IGF2BP3: variants seen among roughly 807,000 people sequenced by gnomAD.
The protein encoded by IGF2BP3 is insulin-like growth factor 2 mRNA-binding protein 3.
IGF2BP3 carries 9 observed loss-of-function variants against 73.8 expected under a neutral mutation model. The ratio of observed to expected loss-of-function variants is 0.12; its 90% CI spans 0.07 to 0.21. IGF2BP3 has a LOEUF of 0.21. Among genes scored for constraint, IGF2BP3 ranks in the 10% least tolerant of loss-of-function variants. IGF2BP3 has a pLI of 1.00. For missense variants in IGF2BP3, 542 were observed against 714.0 expected (o/e 0.76, Z 2.75); for synonymous variants, 258 against 256.7 (o/e 1.01, Z -0.05).
At chr7:23,319,302 A>T (rs1562667761) in intron 10 of IGF2BP3, 48 bp from the exon 11 acceptor site, 1 of 1,284,006 alleles carries the variant, frequency 7.8e-7, no homozygotes, top group Admixed American at 1.9e-5. Flanking sequence ...GCTACAAATC[A>T]GGCTTTTGTT....
chr7:23,332,939 T>A (rs1375098215), intron 10 of IGF2BP3, among the ~76,000 whole-genome samples: 1 of 152,256 alleles, frequency 6.6e-6, no homozygotes, highest in East Asian at 1.9e-4. Flanking sequence ...CTGAACAATA[T>A]ACTTGGGGGA....
chr7:23,408,899 G>A (rs540117140), intron 3 of IGF2BP3, among the ~76,000 whole-genome samples: 2 of 152,272 alleles, frequency 1.3e-5, no homozygotes, highest in African/African-American at 4.8e-5. Context: ...CACATACTAC[G>A]ACAGCGGTCC....
chr7:23,375,018 T>C (rs1329208431), intron 3 of IGF2BP3, among the ~76,000 whole-genome samples: 1 of 152,218 alleles, frequency 6.6e-6, no homozygotes, highest in Non-Finnish European at 1.5e-5. Flanking sequence ...TAAAAAGGTA[T>C]GTGTATATGC....
At chr7:23,410,181 A>T (rs529725835) in intron 3 of IGF2BP3, among the ~76,000 whole-genome samples, 11 of 152,038 alleles carry the variant, frequency 7.2e-5, no homozygotes, top group Admixed American at 4.6e-4. Context: ...AATTTTTTTT[A>T]AAAATAAAGA....
chr7:23,433,398 T>A (rs1189193080), intron 2 of IGF2BP3, among the ~76,000 whole-genome samples: 1 of 152,142 alleles, frequency 6.6e-6, no homozygotes, highest in Non-Finnish European at 1.5e-5. Context: ...ATACAGATGT[T>A]GAAGATTCAA....
intron 2 of IGF2BP3, among the ~76,000 whole-genome samples, chr7:23,441,186 GAC>G: frequency 6.6e-6 from 1 of 152,056 alleles, no homozygotes; most frequent in Non-Finnish European, 1.5e-5. Context: ...CTTCTAACAA[GAC>G]ACACATCTTA....
intron 6 of IGF2BP3, among the ~76,000 whole-genome samples, 192 bp downstream of exon 6, chr7:23,351,113 G>A (rs553882956): frequency 6.6e-6 from 1 of 152,254 alleles, no homozygotes; most frequent in African/African-American, 2.4e-5. Context: ...TTCCCTTTGA[G>A]AATGAGGATT....
intron 10 of IGF2BP3, among the ~76,000 whole-genome samples, chr7:23,332,602 G>A (rs1415959727): frequency 6.6e-6 from 1 of 152,134 alleles, no homozygotes; most frequent in African/African-American, 2.4e-5. Context: ...CACCAACAAA[G>A]AACACAAAAT....
At chr7:23,320,219 C>T (rs1035148638) in intron 10 of IGF2BP3, among the ~76,000 whole-genome samples, 1 of 152,082 alleles carries the variant, frequency 6.6e-6, no homozygotes, top group African/African-American at 2.4e-5. Context: ...GCCCCCTTTG[C>T]ATTTTATACA....
At chr7:23,460,178 C>CAAAAAAAAAAAAAAA (rs757381858) in intron 2 of IGF2BP3, among the ~76,000 whole-genome samples, 3 of 55,176 alleles carry the variant, frequency 5.4e-5, no homozygotes, top group Non-Finnish European at 1.0e-4. Flanking sequence ...GACCCTGCCT[C>CAAAAAAAAAAAAAAA]AAAAAAAAAA....
chr7:23,404,741 A>C (rs1229610138), intron 3 of IGF2BP3, among the ~76,000 whole-genome samples: 5 of 151,120 alleles, frequency 3.3e-5, no homozygotes, highest in Non-Finnish European at 1.5e-5. Context: ...CATTCAGGAA[A>C]TCAAAATACG....
chr7:23,351,291 C>G lies in IGF2BP3; in HGVS notation c.683+14G>C. 1.2e-6 allele frequency: 2 copies of G among 1,612,836 alleles called. No individual in the cohort carries two copies. The highest frequency in any genetic ancestry group is 1.7e-6 in the Non-Finnish European group (2 of 1,179,454). On this transcript the variant is annotated intron_variant, in intron 6 of 14. Transcript: ENST00000258729. ...AATTCTCATGAACACCCACCACACA[C>G]TCAGCATACTCACTTAGACTGGGTC...
chr7:23,392,258 G>A (rs1183009700), intron 3 of IGF2BP3, among the ~76,000 whole-genome samples: 1 of 151,982 alleles, frequency 6.6e-6, no homozygotes, highest in East Asian at 1.9e-4. Flanking sequence ...AATGAACCAA[G>A]ACTTCCTCAA....
chr7:23,421,514 G>A (rs113559625), intron 2 of IGF2BP3, among the ~76,000 whole-genome samples: 12,307 of 150,834 alleles, frequency 0.082, 1,320 homozygotes, highest in African/African-American at 0.25. Flanking sequence ...CCAACATGGA[G>A]AAACCCCATC....
intron 2 of IGF2BP3, among the ~76,000 whole-genome samples, chr7:23,438,356 T>C (rs6461711): frequency 0.98 from 149,604 of 152,340 alleles, 73,480 homozygotes; most frequent in Middle Eastern, 1. Flanking sequence ...TTAAGTAATC[T>C]GCCCCCCTTG....
chr7:23,395,321 C>T (rs1194660549), intron 3 of IGF2BP3, among the ~76,000 whole-genome samples: 6 of 152,004 alleles, frequency 3.9e-5, no homozygotes, highest in Non-Finnish European at 8.8e-5. Flanking sequence ...ATATACTTTC[C>T]AAAACATCTG....
intron 10 of IGF2BP3, among the ~76,000 whole-genome samples, chr7:23,330,757 T>C (rs893440792): frequency 6.6e-6 from 1 of 152,074 alleles, no homozygotes; most frequent in Non-Finnish European, 1.5e-5. Context: ...AACAGACTAA[T>C]ATATACTAGA....
chr7:23,432,490 C>T (rs1787708680), intron 2 of IGF2BP3, among the ~76,000 whole-genome samples: 1 of 151,800 alleles, frequency 6.6e-6, no homozygotes, highest in Non-Finnish European at 1.5e-5. Context: ...TAGAAGGGCA[C>T]GCACATCTTA....
At chr7:23,372,668 A>AAACT (rs1228001447) in intron 3 of IGF2BP3, among the ~76,000 whole-genome samples, 1 of 152,120 alleles carries the variant, frequency 6.6e-6, no homozygotes, top group African/African-American at 2.4e-5. Context: ...ACCCTACTAT[A>AAACT]AACTCTAAGA....
Sources: allele counts gnomAD v4.1 joint callset (sites outside exome capture counted in the v4.1 genomes callset), GRCh38; gene constraint gnomAD v4.1.1; transcripts MANE v1.5; gene names NCBI Gene and HGNC (gene_info 2026-07-23, HGNC 2026-07-21).